The following FOCAD variants were observed in gnomAD, a reference collection of about 807,000 sequenced individuals.
The protein encoded by FOCAD is KIAA1797.
In FOCAD, 198 loss-of-function variants were observed where a neutral mutation model predicts 225.6. The observed-to-expected ratio is 0.88, with a 90% CI of 0.78 to 0.99. The LOEUF (loss-of-function observed/expected upper bound fraction) is 0.99, where lower values mean the gene tolerates loss of function less well. Ranked by LOEUF, FOCAD falls within the 50% of genes least tolerant of loss-of-function variation. The pLI is 0.00. For synonymous variants in FOCAD, 897 were observed against 755.0 expected, an observed-to-expected ratio of 1.19 and a Z score of -3.08; for missense variants, 2,713 against 2,123.6, an observed-to-expected ratio of 1.28 and a Z score of -5.46.
At chr9:20,915,851 T>G (rs1172981967) in intron 23 of FOCAD, among the ~76,000 whole-genome samples, 2 of 152,186 alleles carry the variant, frequency 1.3e-5, no homozygotes, top group African/African-American at 4.8e-5. Flanking sequence ...TAAATGTAAG[T>G]ATACATAGGT....
chr9:20,711,299 T>G (rs917701270), intron 1 of FOCAD, among the ~76,000 whole-genome samples: 1 of 152,208 alleles, frequency 6.6e-6, no homozygotes, highest in African/African-American at 2.4e-5. Context: ...GAAACTGTTT[T>G]AGCTAGATTA....
Position 20,778,731 on chromosome 9 carries a change from G to T in FOCAD, c.957G>T (p.Gln319His). ...TTGGAATAGCTTTACTACTTCTACA[G>T]ACTCCAGCAAGTCAGCAGAAGCCAA... ...VIIGIALLLL[Q>H]TPASQQKPIL... Residue 319 changes from glutamine to histidine, a missense_variant, in exon 9 of 44, where the codon CAG becomes CAT. Physicochemically the swap from Gln to His is conservative, Grantham distance 24. Transcript: ENST00000338382. The T allele has an allele frequency of 6.2e-7, 1 of 1,612,278 alleles. No homozygotes were observed. The highest frequency in any genetic ancestry group is 8.5e-7 in the Non-Finnish European group (1 of 1,178,966).
intron 5 of FOCAD, among the ~76,000 whole-genome samples, chr9:20,751,910 G>A (rs1181246283): frequency 2.8e-5 from 4 of 144,924 alleles, no homozygotes; most frequent in Admixed American, 7.0e-5. Context: ...AAGGGCCAGT[G>A]ATGGTGAGCA....
intron 15 of FOCAD, among the ~76,000 whole-genome samples, chr9:20,847,765 A>G (rs1431763708): frequency 1.3e-5 from 2 of 152,124 alleles, no homozygotes; most frequent in African/African-American, 4.8e-5. Context: ...AAGTGAGTGA[A>G]TAGAAAAAAC....
chr9:20,748,032 T>C (rs1828211377), intron 5 of FOCAD, among the ~76,000 whole-genome samples: 1 of 151,978 alleles, frequency 6.6e-6, no homozygotes, highest in South Asian at 2.1e-4. Context: ...GGTTTTATTG[T>C]CAAAGTGAGC....
chr9:20,918,628 G>A (rs1834079818), intron 24 of FOCAD, among the ~76,000 whole-genome samples: 1 of 151,934 alleles, frequency 6.6e-6, no homozygotes, highest in African/African-American at 2.4e-5. Context: ...GGAGGCTGAG[G>A]CAGGAGAATG....
At chr9:20,950,461 G>A (rs779051988) in intron 33 of FOCAD, among the ~76,000 whole-genome samples, 2 of 152,064 alleles carry the variant, frequency 1.3e-5, no homozygotes, top group Admixed American at 1.3e-4. Flanking sequence ...TTTTTTGCAT[G>A]TATGAATAGA....
intron 28 of FOCAD, 119 bp downstream of exon 28, chr9:20,933,222 T>TG: frequency 2.9e-6 from 2 of 693,672 alleles, no homozygotes; most frequent in Non-Finnish European, 4.8e-6. Context: ...CATAGGTTAT[T>TG]GGGGAACAGG....
At chr9:20,718,640 T>C (rs1420157289) in intron 3 of FOCAD, among the ~76,000 whole-genome samples, 1 of 152,220 alleles carries the variant, frequency 6.6e-6, no homozygotes, top group Non-Finnish European at 1.5e-5. Flanking sequence ...CTAATTGGCA[T>C]TTTTCTGGTG....
At chr9:20,914,990 G>A (rs1254018530) in intron 23 of FOCAD, among the ~76,000 whole-genome samples, 1 of 152,180 alleles carries the variant, frequency 6.6e-6, no homozygotes, top group East Asian at 1.9e-4. Flanking sequence ...TGAAAGAAAG[G>A]GATCAATCAA....
At chr9:20,841,623 G>A (rs1388176455) in intron 15 of FOCAD, among the ~76,000 whole-genome samples, 1 of 151,586 alleles carries the variant, frequency 6.6e-6, no homozygotes, top group Non-Finnish European at 1.5e-5. Flanking sequence ...ATTCATCCCT[G>A]ATTTTATTTG....
chr9:20,706,969 G>A (rs1339936392), intron 1 of FOCAD, among the ~76,000 whole-genome samples: 1 of 152,204 alleles, frequency 6.6e-6, no homozygotes, highest in East Asian at 1.9e-4. Flanking sequence ...AGTGGAGGAA[G>A]CAGACCCCAG....
At chr9:20,713,488 C>G (rs893674256) in intron 1 of FOCAD, among the ~76,000 whole-genome samples, 1 of 152,166 alleles carries the variant, frequency 6.6e-6, no homozygotes, top group African/African-American at 2.4e-5. Context: ...TGCACTTCTC[C>G]CATTTCTCAT....
intron 15 of FOCAD, among the ~76,000 whole-genome samples, chr9:20,830,170 T>C (rs906269221): frequency 2.0e-5 from 3 of 152,126 alleles, no homozygotes; most frequent in African/African-American, 4.8e-5. Context: ...TGTTGTGTTA[T>C]TGGAGAAAAC....
chr9:20,990,917 T>A (rs1019641044), intron 42 of FOCAD, among the ~76,000 whole-genome samples: 6 of 152,206 alleles, frequency 3.9e-5, no homozygotes, highest in African/African-American at 1.4e-4. Flanking sequence ...GCACCCAGTG[T>A]GCCCTGGTCT....
intron 21 of FOCAD, among the ~76,000 whole-genome samples, chr9:20,903,228 C>G (rs563276852): frequency 1.3e-5 from 2 of 152,064 alleles, no homozygotes; most frequent in South Asian, 4.1e-4. Flanking sequence ...TTCATCTAGA[C>G]AAATTTTACT....
At position 20,766,641 on chromosome 9, in the gene FOCAD, C is replaced by T. The variant is rs139627914; in HGVS notation, c.699+1568C>T. ...CTTCTTTCCTTCCCGTTTTTCCTTC[C>T]TTCCTTTCCTCCTCACCTCCCTCCC... On this transcript the variant is annotated intron_variant, in intron 7 of 43. Transcript: ENST00000338382. 3.5e-3 allele frequency among the ~76,000 whole-genome samples: 525 copies of T among 151,576 alleles called. 5 individuals carry two copies. The highest frequency in any genetic ancestry group is 9.7e-3 in the African/African-American group (402 of 41,310).
At chr9:20,914,280 C>T (rs1428368421) in intron 23 of FOCAD, among the ~76,000 whole-genome samples, 1 of 152,098 alleles carries the variant, frequency 6.6e-6, no homozygotes, top group Non-Finnish European at 1.5e-5. Context: ...CTGTTCTAAG[C>T]ACAGAGGAAC....
Position 20,792,213 on chromosome 9 carries a change from G to C in FOCAD, c.1455+2605G>C, listed in dbSNP as rs373986785. Among the ~76,000 whole-genome samples, 26 of 152,282 alleles carry C rather than the reference G, an allele frequency of 1.7e-4. 1 individual carries two copies. In the South Asian group the frequency reaches 5.4e-3, roughly 32 times the overall value. On this transcript the variant is annotated intron_variant, in intron 11 of 43. Transcript: ENST00000338382. Reference sequence around the variant, plus strand: ...CTATGTTTCTATCCATAAGGTTTAAGGGTTTATGGTAAGATTAAATACTTA... The same window carrying C: ...CTATGTTTCTATCCATAAGGTTTAACGGTTTATGGTAAGATTAAATACTTA...
Sources: allele counts gnomAD v4.1 joint callset (sites outside exome capture counted in the v4.1 genomes callset), GRCh38; gene constraint gnomAD v4.1.1; transcripts MANE v1.5; gene names NCBI Gene and HGNC (gene_info 2026-07-23, HGNC 2026-07-21).